MAP6D1: variants seen among roughly 807,000 people sequenced by gnomAD.
MAP6D1 encodes MAP6 domain containing 1, also known as MAP6 domain-containing protein 1.
MAP6D1 carries 13 observed loss-of-function variants against 17.4 expected under a neutral mutation model. The ratio of observed to expected loss-of-function variants is 0.75; its 90% CI spans 0.49 to 1.19. The LOEUF (loss-of-function observed/expected upper bound fraction) is 1.19. Among genes scored for constraint, MAP6D1 ranks in the 50% most tolerant of loss-of-function variants. MAP6D1 has a pLI of 0.00. For synonymous variants in MAP6D1, 141 were observed against 145.7 expected (o/e 0.97, Z 0.23); for missense variants, 313 against 312.6 (o/e 1.00, Z -0.01).
intron 1 of MAP6D1, among the ~76,000 whole-genome samples, chr3:183,818,356 GGGCTCAC>G (rs1286993593): frequency 2.6e-5 from 4 of 152,220 alleles, no homozygotes; most frequent in Non-Finnish European, 5.9e-5. Flanking sequence ...TGGGAAATCT[GGGCTCAC>G]CCCGGTCCCT....
At chr3:183,824,043 C>T (rs1160811613) in intron 1 of MAP6D1, among the ~76,000 whole-genome samples, 3 of 152,236 alleles carry the variant, frequency 2.0e-5, no homozygotes, top group East Asian at 3.9e-4. Flanking sequence ...TTTTGGTATG[C>T]GTATATTTAA....
At position 183,821,281 on chromosome 3, in the gene MAP6D1, A is replaced by G. The variant is rs1366346494; in HGVS notation, c.402-3170T>C. On this transcript the variant is annotated intron_variant, in intron 1 of 2. Coordinates refer to ENST00000318631, the MANE Select transcript of MAP6D1 (RefSeq NM_024871.4). ...GGGATGAAAACCCATGGGGGCTACAAATTTGATCTCTGGGGCAAGTCACAC... is the reference window on the plus strand; with the variant it reads ...GGGATGAAAACCCATGGGGGCTACAGATTTGATCTCTGGGGCAAGTCACAC... Among the ~76,000 whole-genome samples, 5 of 152,102 alleles carry G rather than the reference A, an allele frequency of 3.3e-5. 1 individual carries two copies. The highest frequency in any genetic ancestry group is 6.6e-5 in the Admixed American group (1 of 15,260).
rs1299195146 is a variant in MAP6D1, at chr3:183,816,596, G to A, written c.*760C>T. 1 of 152,288 alleles carries A rather than the reference G, an allele frequency of 6.6e-6. No individual in the cohort carries two copies. The highest frequency in any genetic ancestry group is 1.5e-5 in the Non-Finnish European group (1 of 68,136). The allele number at this position is 152,288 out of a possible 1,614,324, so 9.4% of individuals were successfully genotyped here. Reference sequence around the variant, plus strand: ...GACAAATGCCACCTTCCCAAAAACAGTTCCAGTTCTCAGCCAGTGTGTATG... The same window carrying A: ...GACAAATGCCACCTTCCCAAAAACAATTCCAGTTCTCAGCCAGTGTGTATG... On this transcript the variant is annotated 3_prime_UTR_variant, in exon 3 of 3. Transcript: ENST00000318631.
At chr3:183,822,134 C>T (rs1474687102) in intron 1 of MAP6D1, among the ~76,000 whole-genome samples, 1 of 152,158 alleles carries the variant, frequency 6.6e-6, no homozygotes, top group Non-Finnish European at 1.5e-5. Context: ...AAGCTGGGCA[C>T]AGTGGCTGAT....
chr3:183,825,267 C>T lies in MAP6D1; in HGVS notation c.281G>A (p.Gly94Asp). The part of the protein sequence containing the change: ...DPPPGRGPGA[G>D]GRRGKSSAQS... The stretch of plus-strand genomic sequence containing the variant: ...CGCGGAGGATTTGCCCCTGCGGCCG[C>T]CCGCCCCCGGTCCGCGCCCCGGCGG... The change falls in exon 1 of 3, where the codon GGC becomes GAC. Residue 94 changes from glycine (G) to aspartate (D), a missense_variant. By Grantham distance (94) the Gly-to-Asp change is moderately conservative. Transcript: ENST00000318631. The T allele has an allele frequency of 2.2e-6, 3 of 1,345,978 alleles. No homozygotes were observed. Among genetic ancestry groups the T allele is most frequent in the Non-Finnish European group, 2.9e-6 (3 of 1,050,850 alleles). 83.4% of individuals were successfully genotyped at this position (1,345,978 alleles called of 1,614,324 possible). A position where few individuals can be genotyped will look rare whatever the true frequency, so the allele number is the denominator to read the frequency against.
intron 1 of MAP6D1, among the ~76,000 whole-genome samples, chr3:183,824,064 G>T (rs1461380574): frequency 6.6e-6 from 1 of 152,196 alleles, no homozygotes; most frequent in East Asian, 1.9e-4. Flanking sequence ...GATCCGCTGG[G>T]TTTCAGTATC....
Position 183,816,192 on chromosome 3 carries a change from T to C in MAP6D1, c.*1164A>G, listed in dbSNP as rs534724232. ...GACAGGCAGTCGGAGCTGGAACCAC[T>C]GTCCCACCTGCACGTCTGGTGGCTC... On this transcript the variant is annotated 3_prime_UTR_variant, in exon 3 of 3. Transcript: ENST00000318631. The C allele has an allele frequency of 6.6e-6, 1 of 152,350 alleles. No individual in the cohort carries two copies. Among genetic ancestry groups the C allele is most frequent in the East Asian group, 1.9e-4 (1 of 5,174 alleles). The allele number at this position is 152,350 out of a possible 1,614,324, so 9.4% of individuals were successfully genotyped here.
At chr3:183,825,112 G>A in intron 1 of MAP6D1, 35 bp downstream of exon 1, 1 of 1,360,516 alleles carries the variant, frequency 7.4e-7, no homozygotes, top group Admixed American at 3.8e-5. Context: ...CCACCACAGG[G>A]TGGGGACTCG....
chr3:183,818,182 T>TGCTCTGCCCCATGCACG, intron 1 of MAP6D1, 71 bp from the exon 2 acceptor site: 2 of 1,281,352 alleles, frequency 1.6e-6, no homozygotes, highest in Non-Finnish European at 2.3e-6. Context: ...CAGGGGCTGC[T>TGCTCTGCCCCATGCACG]GCTCTGCCCC....
At position 183,817,973 on chromosome 3, in the gene MAP6D1, CTA is replaced by C. The variant is rs767281312; in HGVS notation, c.519+19_519+20del. The C allele has an allele frequency of 2.5e-6, 4 of 1,590,610 alleles. No homozygotes were observed. The South Asian group carries it at 4.4e-5, about 18-fold the overall frequency. The stretch of plus-strand genomic sequence containing the variant: ...AGAGGCCTCTATACCCACACCCCTG[CTA>C]CACCAGCTTCCGGCTGACCTGGAAG... On this transcript the variant is annotated intron_variant, in intron 2 of 2. Transcript: ENST00000318631.
chr3:183,821,270 T>C (rs1418289493), intron 1 of MAP6D1, among the ~76,000 whole-genome samples: 1 of 152,078 alleles, frequency 6.6e-6, no homozygotes, highest in Non-Finnish European at 1.5e-5. Context: ...TGAAAACCCA[T>C]GGGGGCTACA....
chr3:183,819,914 A>T (rs989219971), intron 1 of MAP6D1, among the ~76,000 whole-genome samples: 33 of 152,204 alleles, frequency 2.2e-4, no homozygotes, highest in African/African-American at 8.0e-4. Context: ...CCTAGGCAGG[A>T]AGGAGGGAAG....
At chr3:183,818,498 C>T (rs748034720) in intron 1 of MAP6D1, among the ~76,000 whole-genome samples, 4 of 152,126 alleles carry the variant, frequency 2.6e-5, no homozygotes, top group South Asian at 2.1e-4. Flanking sequence ...GTCTTGGAGA[C>T]GAGCAGCCCC....
At chr3:183,821,307 G>A (rs1040296265) in intron 1 of MAP6D1, among the ~76,000 whole-genome samples, 11 of 152,128 alleles carry the variant, frequency 7.2e-5, no homozygotes, top group East Asian at 1.9e-4. Context: ...CAAGTCACAC[G>A]GGTTCCACTC....
chr3:183,821,405 G>A (rs900380825), intron 1 of MAP6D1, among the ~76,000 whole-genome samples: 5 of 152,166 alleles, frequency 3.3e-5, no homozygotes, highest in African/African-American at 1.2e-4. Context: ...GGCTGCAGGG[G>A]GCTAACCTCA....
Position 183,818,033 on chromosome 3 carries a change from G to C in MAP6D1, c.480C>G (p.His160Gln). Reference sequence around the variant, plus strand: ...CAGGGCTGCTGTCCCATCCCGAAGTGTGGGTTGTGATGACTCGGGCTGGTT... The same window carrying C: ...CAGGGCTGCTGTCCCATCCCGAAGTCTGGGTTGTGATGACTCGGGCTGGTT... ...KTKPARVITTHTSGWDSSPGA... is the reference protein window; with the variant it reads ...KTKPARVITTQTSGWDSSPGA... Residue 160 changes from histidine to glutamine, a missense_variant, in exon 2 of 3, where the codon CAC becomes CAG. Transcript: ENST00000318631. The C allele has an allele frequency of 6.2e-7, 1 of 1,614,208 alleles. No individual in the cohort carries two copies. Among genetic ancestry groups the C allele is most frequent in the Non-Finnish European group, 8.5e-7 (1 of 1,180,030 alleles).
chr3:183,819,745 C>T (rs1459686634), intron 1 of MAP6D1, among the ~76,000 whole-genome samples: 2 of 152,226 alleles, frequency 1.3e-5, no homozygotes, highest in Admixed American at 6.5e-5. Flanking sequence ...CCCAACATGG[C>T]TTCAGACACA....
rs78188298 is a variant in MAP6D1, at chr3:183,816,710, A to T, written c.*646T>A. ...ATCTTTAGAACCTAGCACAAGGTAAATGTGAGTCATTCAATCCCAAGAACT... is the reference window on the plus strand; with the variant it reads ...ATCTTTAGAACCTAGCACAAGGTAATTGTGAGTCATTCAATCCCAAGAACT... On this transcript the variant is annotated 3_prime_UTR_variant, in exon 3 of 3. Transcript: ENST00000318631. The T allele has an allele frequency of 4.6e-5, 7 of 153,168 alleles. No individual in the cohort carries two copies. The highest frequency in any genetic ancestry group is 1.7e-4 in the African/African-American group (7 of 41,586). 9.5% of individuals were successfully genotyped at this position (153,168 alleles called of 1,614,324 possible).
At chr3:183,821,378 G>A (rs140644013) in intron 1 of MAP6D1, among the ~76,000 whole-genome samples, 6 of 152,248 alleles carry the variant, frequency 3.9e-5, no homozygotes, top group Non-Finnish European at 7.3e-5. Flanking sequence ...GAATGGGGAC[G>A]GCAAGCACTA....
Sources: gnomAD v4.1 joint callset for allele counts (sites outside exome capture counted in the v4.1 genomes callset) on GRCh38, gnomAD v4.1.1 for gene constraint, MANE v1.5 for transcripts, NCBI Gene and HGNC (gene_info 2026-07-23, HGNC 2026-07-21) for gene names.